Variants in NCK2 observed in about 807,000 individuals in gnomAD.
The protein encoded by NCK2 is NCK adaptor protein 2, also known as cytoplasmic protein NCK2.
A neutral mutation model predicts 33.9 loss-of-function variants in NCK2; 16 were observed. That is an observed-to-expected ratio of 0.47 (90% confidence interval 0.32 to 0.72). NCK2 has a LOEUF of 0.72. Ranked by LOEUF, NCK2 falls within the 30% of genes least tolerant of loss-of-function variation. The probability of loss-of-function intolerance (pLI) is 0.03; values close to 1 mark genes in which losing one functional copy is unlikely to be tolerated. For synonymous variants in NCK2, 273 were observed against 239.9 expected (o/e 1.14, Z -1.27); for missense variants, 418 against 537.3 (o/e 0.78, Z 2.19).
At chr2:105,817,044 C>T (rs963831431) in intron 2 of NCK2, among the ~76,000 whole-genome samples, 1 of 151,928 alleles carries the variant, frequency 6.6e-6, no homozygotes, top group African/African-American at 2.4e-5. Context: ...GGCATGGTGG[C>T]GTGCACATGT....
chr2:105,783,532 A>G (rs553064973), intron 1 of NCK2, among the ~76,000 whole-genome samples: 2 of 152,298 alleles, frequency 1.3e-5, no homozygotes, highest in East Asian at 3.9e-4. Flanking sequence ...CCACCAAGGC[A>G]CAGGTTAATG....
chr2:105,858,427 T>C (rs964197855), intron 3 of NCK2, among the ~76,000 whole-genome samples: 26 of 152,178 alleles, frequency 1.7e-4, no homozygotes, highest in African/African-American at 6.0e-4. Flanking sequence ...TTTTGTATTT[T>C]TTATAGAGAC....
intron 1 of NCK2, among the ~76,000 whole-genome samples, chr2:105,789,921 A>G (rs1370400195): frequency 6.6e-6 from 1 of 152,236 alleles, no homozygotes; most frequent in African/African-American, 2.4e-5. Flanking sequence ...GTGGTCGCCA[A>G]CTAAATGTTC....
chr2:105,853,704 A>C (rs1419427935), intron 2 of NCK2, among the ~76,000 whole-genome samples: 1 of 152,226 alleles, frequency 6.6e-6, no homozygotes, highest in East Asian at 1.9e-4. Context: ...AGGGTTTTGC[A>C]GTCAAGAAAG....
chr2:105,842,544 G>A (rs1449798073), intron 2 of NCK2, among the ~76,000 whole-genome samples: 2 of 152,068 alleles, frequency 1.3e-5, no homozygotes, highest in Non-Finnish European at 2.9e-5. Flanking sequence ...TGTCTGCCCT[G>A]CTATCAGAGT....
chr2:105,755,196 T>TG (rs1689565793), intron 1 of NCK2, among the ~76,000 whole-genome samples: 1 of 152,210 alleles, frequency 6.6e-6, no homozygotes, highest in African/African-American at 2.4e-5. Flanking sequence ...TTTTCGTAGT[T>TG]TCCTTACTAG....
At chr2:105,748,827 T>C (rs1484122906) in intron 1 of NCK2, among the ~76,000 whole-genome samples, 1 of 152,150 alleles carries the variant, frequency 6.6e-6, no homozygotes, top group Non-Finnish European at 1.5e-5. Context: ...TTATTGAATA[T>C]GTGAATAATG....
At chr2:105,799,270 T>TAA (rs34629499) in intron 1 of NCK2, among the ~76,000 whole-genome samples, 69 of 149,460 alleles carry the variant, frequency 4.6e-4, no homozygotes, top group East Asian at 3.1e-3. Flanking sequence ...GTCCTAGGTT[T>TAA]AAAAAAAAAA....
intron 2 of NCK2, among the ~76,000 whole-genome samples, chr2:105,848,846 G>A (rs1676949188): frequency 6.6e-6 from 1 of 152,236 alleles, no homozygotes; most frequent in South Asian, 2.1e-4. Context: ...CCACAGCGAA[G>A]TAGATTGTGT....
intron 2 of NCK2, chr2:105,847,250 C>A (rs1676885343): frequency 6.6e-6 from 1 of 151,184 alleles, no homozygotes; most frequent in African/African-American, 2.4e-5. Flanking sequence ...GATGTTTGCA[C>A]AACAGGGTGA....
rs776959381 is a variant in NCK2, at chr2:105,893,005, T to G, written c.972T>G (p.Leu324=). ...AGCCCAGCGACTTCTCCGTGTCCCT[T>G]AAAGCGTCAGGGAAGAACAAACACT... ...ESSPSDFSVS[L]KASGKNKHFK... The change falls in exon 5 of 5, where the codon CTT becomes CTG. Residue 324 remains leucine (L), a synonymous_variant. Transcript: ENST00000233154. 1.9e-6 allele frequency: 3 copies of G among 1,612,496 alleles called. No individual in the cohort carries two copies. The South Asian group carries it at 3.3e-5, about 18-fold the overall frequency.
At chr2:105,746,009 CGGT>C (rs1222529945) in intron 1 of NCK2, 1 of 149,886 alleles carries the variant, frequency 6.7e-6, no homozygotes, top group Non-Finnish European at 1.5e-5. Context: ...TGAAGGTCTG[CGGT>C]GGATGCTAGG....
rs551081537 is a variant in NCK2, at chr2:105,823,790, G to T, written c.-17+7177G>T. Among the ~76,000 whole-genome samples, 4 of 152,138 alleles carry T rather than the reference G, an allele frequency of 2.6e-5. No individual in the cohort carries two copies. In the East Asian group the frequency reaches 5.8e-4, roughly 22 times the overall value. On this transcript the variant is annotated intron_variant, in intron 2 of 4. Transcript: ENST00000233154. ...TTCTCAGAGTCACACCTGACCAACA[G>T]TCACACTGACAAGTTAATTGGTGAG...
At chr2:105,830,690 TGTGTGTGTGTGTGTG>T in intron 2 of NCK2, among the ~76,000 whole-genome samples, 1 of 147,256 alleles carries the variant, frequency 6.8e-6, no homozygotes. Flanking sequence ...TGTGTGTGTG[TGTGTGTGTGTGTGTG>T]TGTGTGTGTG....
chr2:105,784,164 C>T (rs916253537), intron 1 of NCK2, among the ~76,000 whole-genome samples: 9 of 152,188 alleles, frequency 5.9e-5, no homozygotes, highest in Non-Finnish European at 7.3e-5. Flanking sequence ...CGTGCAGTGG[C>T]GTCATCTCTG....
At chr2:105,815,873 T>A (rs1457517882) in intron 1 of NCK2, among the ~76,000 whole-genome samples, 1 of 152,148 alleles carries the variant, frequency 6.6e-6, no homozygotes. Context: ...TCCCTTTTAT[T>A]TCTGGGAGGC....
chr2:105,816,123 G>T (rs115515826), intron 1 of NCK2, among the ~76,000 whole-genome samples: 1 of 152,138 alleles, frequency 6.6e-6, no homozygotes. Context: ...TTTAATCTGG[G>T]ATATATTTAA....
chr2:105,776,106 G>A (rs776817344), intron 1 of NCK2, among the ~76,000 whole-genome samples: 19 of 152,208 alleles, frequency 1.2e-4, no homozygotes, highest in Non-Finnish European at 2.4e-4. Context: ...CTCTGGGGGT[G>A]TGGGTGCGGA....
intron 1 of NCK2, among the ~76,000 whole-genome samples, chr2:105,755,700 G>A (rs1042774410): frequency 6.6e-6 from 1 of 151,340 alleles, no homozygotes; most frequent in Admixed American, 6.6e-5. Context: ...ATTGAGACCC[G>A]AACCCATGCC....
Sources: allele counts gnomAD v4.1 joint callset (sites outside exome capture counted in the v4.1 genomes callset), GRCh38; gene constraint gnomAD v4.1.1; transcripts MANE v1.5; gene names NCBI Gene and HGNC (gene_info 2026-07-23, HGNC 2026-07-21).